NBEAL1: variants seen among roughly 807,000 people sequenced by gnomAD.
NBEAL1 encodes neurobeachin like 1, also known as neurobeachin-like protein 1.
A neutral mutation model predicts 351.3 loss-of-function variants in NBEAL1; 273 were observed. That is an observed-to-expected ratio of 0.78 (90% CI 0.70 to 0.86). NBEAL1 has a LOEUF of 0.86. Ranked by LOEUF, NBEAL1 falls within the 40% of genes least tolerant of loss-of-function variation. The pLI is 0.00. For missense variants in NBEAL1, 2,961 were observed against 3,201.3 expected, an observed-to-expected ratio of 0.92 and a Z score of 1.81; for synonymous variants, 1,050 against 1,086.4, an observed-to-expected ratio of 0.97 and a Z score of 0.66.
intron 31 of NBEAL1, among the ~76,000 whole-genome samples, chr2:203,141,360 ATTATTATT>A (rs2063365523): frequency 7.3e-5 from 1 of 13,638 alleles, no homozygotes; most frequent in Admixed American, 1.1e-3. Context: ...TATTATTATT[ATTATTATT>A]TTTTTTTTTT....
intron 12 of NBEAL1, among the ~76,000 whole-genome samples, chr2:203,103,904 G>T (rs182127275): frequency 2.6e-5 from 4 of 152,280 alleles, no homozygotes; most frequent in African/African-American, 9.6e-5. Flanking sequence ...TCATGTAAGC[G>T]TGTGGTTTTG....
At chr2:203,195,491 T>C (rs1244323246) in intron 47 of NBEAL1, among the ~76,000 whole-genome samples, 1 of 152,178 alleles carries the variant, frequency 6.6e-6, no homozygotes, top group Non-Finnish European at 1.5e-5. Flanking sequence ...TGCTCAGAAA[T>C]TATGACTAAT....
rs2062535803 is a variant in NBEAL1, at chr2:203,110,248, T to C, written c.2048T>C (p.Met683Thr). Reference sequence around the variant, plus strand: ...ACAAAAAGAGAATATGCAACGGTTATGCTTCCTGACCACAGTTTCTGTGAT... The same window carrying C: ...ACAAAAAGAGAATATGCAACGGTTACGCTTCCTGACCACAGTTTCTGTGAT... ...VCTKREYATV[M>T]LPDHSFCDSL... Residue 683 changes from methionine (M) to threonine (T), a missense_variant, in exon 15 of 56, where the codon ATG becomes ACG. Transcript: ENST00000683969. The C allele has an allele frequency of 1.3e-6, 2 of 1,552,810 alleles. No homozygotes were observed. Among genetic ancestry groups the C allele is most frequent in the South Asian group, 2.4e-5 (2 of 84,104 alleles).
At position 203,202,711 on chromosome 2, in the gene NBEAL1, AT is replaced by A; in HGVS notation, c.7438del (p.Tyr2480ThrfsTer6). ...HMDIVTCLAT[D>X]YCGIHLISGS... ...GATATTGTGACTTGCTTAGCTACAG[AT>A]TACTGTGGAATACATTTGATTTCTG... On this transcript the variant is annotated frameshift_variant, in exon 51 of 56. Coordinates refer to ENST00000683969, the MANE Select transcript of NBEAL1 (RefSeq NM_001378026.1). LOFTEE classifies it high-confidence loss of function. 6.3e-7 allele frequency: 1 copy of A among 1,597,506 alleles called. No homozygotes were observed. Among genetic ancestry groups the A allele is most frequent in the Non-Finnish European group, 8.6e-7 (1 of 1,165,304 alleles).
At chr2:203,188,067 G>A (rs2105765401) in intron 44 of NBEAL1, among the ~76,000 whole-genome samples, 1 of 152,264 alleles carries the variant, frequency 6.6e-6, no homozygotes, top group Non-Finnish European at 1.5e-5. Context: ...CCACCTAAGT[G>A]TGGTTTCATT....
rs2106110852 is a variant in NBEAL1, at chr2:203,062,964, T to C, written c.516-5429T>C. Among the ~76,000 whole-genome samples, 1 of 152,334 alleles carries C rather than the reference T, an allele frequency of 6.6e-6. No homozygotes were observed. The highest frequency in any genetic ancestry group is 1.9e-4 in the East Asian group (1 of 5,192). ...TATATATTTTCTTATTCATTGTGTT[T>C]AATGCTTACCAAAATAGCGAAAGCA... is the stretch of plus-strand genomic sequence containing the variant. On this transcript the variant is annotated intron_variant, in intron 6 of 55. Coordinates refer to ENST00000683969, the MANE Select transcript of NBEAL1 (RefSeq NM_001378026.1). The surrounding 1 kb of genome is among the most constrained non-coding windows in gnomAD (Gnocchi z 4.2).
chr2:203,106,871 A>G (rs1260338473), intron 12 of NBEAL1, among the ~76,000 whole-genome samples: 1 of 152,172 alleles, frequency 6.6e-6, no homozygotes, highest in Non-Finnish European at 1.5e-5. Flanking sequence ...TCAAAAATAC[A>G]TGTGACATAG....
chr2:203,095,803 C>T (rs931375020), intron 10 of NBEAL1, among the ~76,000 whole-genome samples: 3 of 151,816 alleles, frequency 2.0e-5, no homozygotes, highest in Non-Finnish European at 4.4e-5. Flanking sequence ...GTCAGAGTCT[C>T]ACTCTGTCAC....
chr2:203,188,244 A>G (rs182422560), intron 44 of NBEAL1, among the ~76,000 whole-genome samples: 97 of 152,224 alleles, frequency 6.4e-4, no homozygotes, highest in African/African-American at 2.2e-3. Flanking sequence ...TAGGAAATGC[A>G]TATGTTAATA....
chr2:203,096,911 A>T (rs926175901), intron 10 of NBEAL1, among the ~76,000 whole-genome samples: 1 of 152,210 alleles, frequency 6.6e-6, no homozygotes, highest in Non-Finnish European at 1.5e-5. Flanking sequence ...TGTGTCAGTA[A>T]CAGCTTTCCT....
At chr2:203,191,390 A>G in intron 46 of NBEAL1, 1 of 267,162 alleles carries the variant, frequency 3.7e-6, no homozygotes, top group Admixed American at 5.3e-5. Context: ...ATATTACTAC[A>G]TATATTTCTT....
intron 17 of NBEAL1, among the ~76,000 whole-genome samples, chr2:203,113,946 C>T (rs1413071463): frequency 6.6e-6 from 1 of 151,746 alleles, no homozygotes; most frequent in African/African-American, 2.4e-5. Context: ...TTCAGCCTCC[C>T]GAGTAACTGG....
At chr2:203,129,126 G>A (rs962927264) in intron 24 of NBEAL1, among the ~76,000 whole-genome samples, 6 of 152,108 alleles carry the variant, frequency 3.9e-5, no homozygotes, top group African/African-American at 1.4e-4. Flanking sequence ...TCTCGTGCAC[G>A]TGGTAAAATT....
intron 44 of NBEAL1, among the ~76,000 whole-genome samples, chr2:203,184,565 C>T (rs1396493011): frequency 1.3e-5 from 2 of 151,934 alleles, no homozygotes; most frequent in Non-Finnish European, 2.9e-5. Context: ...TCCACTTTTC[C>T]CCACAGTAGC....
intron 24 of NBEAL1, among the ~76,000 whole-genome samples, chr2:203,128,775 G>A (rs2106291101): frequency 6.6e-6 from 1 of 151,628 alleles, no homozygotes; most frequent in Non-Finnish European, 1.5e-5. Flanking sequence ...GTTTTGTATT[G>A]TTAGTAGAGA....
At chr2:203,042,542 G>A (rs972321811) in intron 3 of NBEAL1, among the ~76,000 whole-genome samples, 6 of 151,444 alleles carry the variant, frequency 4.0e-5, no homozygotes, top group African/African-American at 1.5e-4. Context: ...AAGTATAAGT[G>A]GTGGTGAGGC....
At chr2:203,129,967 G>A (rs2063035683) in intron 24 of NBEAL1, among the ~76,000 whole-genome samples, 2 of 152,172 alleles carry the variant, frequency 1.3e-5, no homozygotes, top group South Asian at 4.1e-4. Context: ...TTTGAGACTA[G>A]CCTGGGCGGC....
chr2:203,069,827 T>C (rs1398845662), intron 7 of NBEAL1, among the ~76,000 whole-genome samples: 1 of 152,040 alleles, frequency 6.6e-6, no homozygotes, highest in Non-Finnish European at 1.5e-5. Context: ...CTGGCTAATA[T>C]AAAAAAATTT....
intron 2 of NBEAL1, among the ~76,000 whole-genome samples, chr2:203,033,775 T>C (rs1200390835): frequency 1.3e-5 from 2 of 152,228 alleles, no homozygotes; most frequent in African/African-American, 4.8e-5. Context: ...AATCCTATTA[T>C]GATTATCCAC....
Sources: gnomAD v4.1 joint callset for allele counts (sites outside exome capture counted in the v4.1 genomes callset) on GRCh38, gnomAD v4.1.1 for gene constraint, Gnocchi (gnomAD v3.1) non-coding constraint, MANE v1.5 for transcripts, NCBI Gene and HGNC (gene_info 2026-07-23, HGNC 2026-07-21) for gene names.